CCT7: variants seen among roughly 807,000 people sequenced by gnomAD.
CCT7 encodes the protein chaperonin containing TCP1 subunit 7.
CCT7 carries 16 observed loss-of-function variants against 56.6 expected under a neutral mutation model. The ratio of observed to expected loss-of-function variants is 0.28; its 90% CI spans 0.19 to 0.43. The LOEUF is 0.43. Among genes scored for constraint, CCT7 ranks in the 20% least tolerant of loss-of-function variants. The pLI is 1.00. For synonymous variants in CCT7, 262 were observed against 254.8 expected, an observed-to-expected ratio of 1.03 and a Z score of -0.27; for missense variants, 519 against 685.6, an observed-to-expected ratio of 0.76 and a Z score of 2.71.
rs1449365170 is a variant in CCT7, at chr2:73,244,708, C to G, written c.611C>G (p.Ala204Gly). Residue 204 changes from alanine to glycine, a missense_variant, in exon 6 of 12, where the codon GCC becomes GGC. Coordinates refer to ENST00000258091, the MANE Select transcript of CCT7 (RefSeq NM_006429.4). Reference protein sequence around the residue: ...MIGIKKVQGGALEDSQLVAGV... With the variant: ...MIGIKKVQGGGLEDSQLVAGV... Reference sequence around the variant, plus strand: ...GGAATCAAGAAGGTACAGGGTGGAGCCCTCGAGGTAAGCCTGCTGTGGCCT... The same window carrying G: ...GGAATCAAGAAGGTACAGGGTGGAGGCCTCGAGGTAAGCCTGCTGTGGCCT... The G allele has an allele frequency of 2.5e-6, 4 of 1,609,948 alleles. No homozygotes were observed.
At chr2:73,249,227 G>A (rs1325429972) in intron 8 of CCT7, 48 bp downstream of exon 8, 3 of 1,443,278 alleles carry the variant, frequency 2.1e-6, no homozygotes, top group Non-Finnish European at 1.9e-6. Context: ...GGCCCTGAAG[G>A]GTTTTCACTG....
At chr2:73,245,444 A>G (rs1044765010) in intron 6 of CCT7, among the ~76,000 whole-genome samples, 1 of 152,226 alleles carries the variant, frequency 6.6e-6, no homozygotes, top group Non-Finnish European at 1.5e-5. Flanking sequence ...CCCCATCCAC[A>G]CTTGGCTACT....
intron 10 of CCT7, among the ~76,000 whole-genome samples, 162 bp downstream of exon 10, chr2:73,250,600 C>G (rs1045891477): frequency 6.6e-5 from 10 of 151,916 alleles, no homozygotes; most frequent in African/African-American, 2.2e-4. Flanking sequence ...AGAAACTGAG[C>G]CTCAGTTTCT....
chr2:73,235,494 C>A, intron 1 of CCT7: 2 of 975,782 alleles, frequency 2.0e-6, no homozygotes, highest in African/African-American at 3.5e-5. Context: ...CGCTTGTACC[C>A]AAGGTAGAAG....
chr2:73,251,660 G>T (rs1687588669), intron 11 of CCT7, among the ~76,000 whole-genome samples: 1 of 152,236 alleles, frequency 6.6e-6, no homozygotes, highest in Non-Finnish European at 1.5e-5. Flanking sequence ...TATGATCGTG[G>T]CCAGGTGCGG....
chr2:73,243,965 T>C (rs1219152013), intron 4 of CCT7, 32 bp from the exon 5 acceptor site: 1 of 1,609,460 alleles, frequency 6.2e-7, no homozygotes, highest in Non-Finnish European at 8.5e-7. Flanking sequence ...GTCTTTAGCA[T>C]GAGAGACTCA....
chr2:73,250,012 T>A (rs781678873), intron 9 of CCT7, 96 bp downstream of exon 9: 16 of 896,514 alleles, frequency 1.8e-5, no homozygotes, highest in Non-Finnish European at 3.0e-5. Flanking sequence ...AAGTCTCACC[T>A]TTGTGTACAA....
rs758384865 is a variant in CCT7 at position 73,234,347 on chromosome 2, G to C, written c.-32G>C. On this transcript the variant is annotated 5_prime_UTR_variant, in exon 1 of 12. Coordinates refer to ENST00000258091, the MANE Select transcript of CCT7 (RefSeq NM_006429.4). ...GGCGGCCCGGTCTCGGAGAAGAGGG[G>C]AGAGTGGCGGGCCGCTGAATAAGCT... is the stretch of plus-strand genomic sequence containing the variant. 8 of 1,613,778 alleles carry C rather than the reference G, an allele frequency of 5.0e-6. No homozygotes were observed. Among genetic ancestry groups the C allele is most frequent in the Middle Eastern group, 3.3e-4 (2 of 6,062 alleles).
At position 73,251,029 on chromosome 2, in the gene CCT7, A is replaced by G. The variant is rs1687552593; in HGVS notation, c.1204-197A>G. On this transcript the variant is annotated intron_variant, in intron 10 of 11. Transcript: ENST00000258091. ...CCTTGAGCTGCAGGTGACCTTGAAA[A>G]TAGTCAGAAACCATAAGGTTCACCA... Among the ~76,000 whole-genome samples, 4 of 152,272 alleles carry G rather than the reference A, an allele frequency of 2.6e-5. 1 individual carries two copies. The South Asian group carries it at 8.3e-4, about 32-fold the overall frequency.
chr2:73,237,294 A>G (rs866463635), intron 1 of CCT7, among the ~76,000 whole-genome samples: 2 of 152,220 alleles, frequency 1.3e-5, no homozygotes, highest in Middle Eastern at 3.2e-3. Flanking sequence ...CAGAGTGACT[A>G]TTTTAGATGG....
At chr2:73,237,964 G>A (rs1486390846) in intron 1 of CCT7, among the ~76,000 whole-genome samples, 1 of 152,144 alleles carries the variant, frequency 6.6e-6, no homozygotes, top group Non-Finnish European at 1.5e-5. Flanking sequence ...TGAGCTTATA[G>A]TAAGCTATGA....
intron 1 of CCT7, chr2:73,235,664 C>A (rs976817436): frequency 2.1e-6 from 1 of 477,962 alleles, no homozygotes; most frequent in Non-Finnish European, 2.8e-6. Context: ...CTTAGCTCTG[C>A]CACTTACTAG....
At chr2:73,248,886 G>A (rs1687455426) in intron 7 of CCT7, 105 bp from the exon 8 acceptor site, 2 of 860,536 alleles carry the variant, frequency 2.3e-6, no homozygotes, top group Admixed American at 2.4e-5. Context: ...ATTCCCAGAT[G>A]AATCAGCATG....
At chr2:73,239,088 G>T (rs191409374) in intron 1 of CCT7, 1 of 152,392 alleles carries the variant, frequency 6.6e-6, no homozygotes, top group Non-Finnish European at 1.5e-5. Context: ...GGTGCTGTTT[G>T]TTTCTCTGCC....
At position 73,252,790 on chromosome 2, in the gene CCT7, A is replaced by G. The variant is rs1452788413; in HGVS notation, c.1561A>G (p.Lys521Glu). 1 of 1,614,148 alleles carries G rather than the reference A, an allele frequency of 6.2e-7. No homozygotes were observed. Among genetic ancestry groups the G allele is most frequent in the Non-Finnish European group, 8.5e-7 (1 of 1,180,028 alleles). ...GATCGTGTCTGTAGATGAAACCATC[A>G]AGAACCCCCGCTCGACTGTGGATGC... ...CLIVSVDETI[K>E]NPRSTVDAPT... Residue 521 changes from lysine to glutamate, a missense_variant, in exon 12 of 12, where the codon AAG becomes GAG. Lys to Glu is a moderately conservative substitution (Grantham distance 56). Coordinates refer to ENST00000258091, the MANE Select transcript of CCT7 (RefSeq NM_006429.4).
chr2:73,251,105 T>C, intron 10 of CCT7, 121 bp from the exon 11 acceptor site: 1 of 858,688 alleles, frequency 1.2e-6, no homozygotes, highest in Non-Finnish European at 1.9e-6. Context: ...CGTTTGGGGC[T>C]TGGGATGGAG....
chr2:73,248,368 T>C (rs371293955), intron 7 of CCT7, among the ~76,000 whole-genome samples: 3 of 151,910 alleles, frequency 2.0e-5, no homozygotes, highest in African/African-American at 7.2e-5. Flanking sequence ...TTTTTTCCTT[T>C]AAGACGGAGT....
intron 1 of CCT7, among the ~76,000 whole-genome samples, chr2:73,235,388 C>CT (rs2103752572): frequency 6.6e-6 from 1 of 152,316 alleles, no homozygotes; most frequent in Admixed American, 6.5e-5. Context: ...CTGTCCGACT[C>CT]TATCTTCTGC....
At chr2:73,244,434 A>G (rs1389433562) in intron 5 of CCT7, 110 bp from the exon 6 acceptor site, 1 of 897,140 alleles carries the variant, frequency 1.1e-6, no homozygotes, top group Non-Finnish European at 1.7e-6. Flanking sequence ...GTGAAGTTGG[A>G]GAGGGCTGAG....
Sources: allele counts gnomAD v4.1 joint callset (sites outside exome capture counted in the v4.1 genomes callset), GRCh38; gene constraint gnomAD v4.1.1; transcripts MANE v1.5; gene names NCBI Gene and HGNC (gene_info 2026-07-23, HGNC 2026-07-21).